The following KLC1 variants were observed in gnomAD, a reference collection of about 807,000 sequenced individuals.
KLC1 encodes kinesin light chain 1.
Under a neutral mutation model 84.2 loss-of-function variants are expected in KLC1, and 30 were observed. The ratio of observed to expected loss-of-function variants is 0.36; its 90% CI spans 0.27 to 0.48. The LOEUF is 0.48. Among genes scored for constraint, KLC1 ranks in the 20% least tolerant of loss-of-function variants. KLC1 has a pLI of 0.99. For missense variants in KLC1, 499 were observed against 805.4 expected, an observed-to-expected ratio of 0.62 and a Z score of 4.60; for synonymous variants, 289 against 293.3, an observed-to-expected ratio of 0.99 and a Z score of 0.15.
intron 16 of KLC1, 123 bp from the exon 17 acceptor site, chr14:103,701,078 C>A: frequency 1.6e-6 from 2 of 1,240,898 alleles, no homozygotes; most frequent in Non-Finnish European, 2.3e-6. Context: ...TCACAACCAG[C>A]AACACCCTCT....
chr14:103,640,453 CG>C (rs924615132), intron 1 of KLC1, among the ~76,000 whole-genome samples: 13 of 152,050 alleles, frequency 8.5e-5, no homozygotes, highest in Admixed American at 7.9e-4. Context: ...CGTCACCTCC[CG>C]GGTTCACGCC....
At chr14:103,682,749 A>C (rs940215123) in intron 13 of KLC1, 8 of 150,366 alleles carry the variant, frequency 5.3e-5, no homozygotes, top group African/African-American at 1.9e-4. Flanking sequence ...TGTGATTTCA[A>C]TTATATATAT....
rs2081683821 is a variant in KLC1 at position 103,685,189 on chromosome 14, C to T, written c.1651-1892C>T. On this transcript the variant is annotated intron_variant, in intron 13 of 16. Transcript: ENST00000334553. ...CTGCATGTTTAAAATGGGCTGTAGA[C>T]TTTTAAAGTCCGTGGTTTCCTAAAG... is the stretch of plus-strand genomic sequence containing the variant. 6 of 1,436,738 alleles carry T rather than the reference C, an allele frequency of 4.2e-6. No individual in the cohort carries two copies. In the South Asian group the frequency reaches 9.3e-5, roughly 22 times the overall value. 89.0% of individuals were successfully genotyped at this position (1,436,738 alleles called of 1,614,324 possible).
chr14:103,668,651 T>C (rs2080106001), intron 5 of KLC1, among the ~76,000 whole-genome samples: 2 of 151,890 alleles, frequency 1.3e-5, no homozygotes, highest in South Asian at 4.2e-4. Flanking sequence ...CTATTTTTTT[T>C]TGTATTTTTA....
intron 1 of KLC1, among the ~76,000 whole-genome samples, chr14:103,647,629 A>G (rs1440602829): frequency 1.3e-5 from 2 of 151,898 alleles, no homozygotes; most frequent in African/African-American, 4.8e-5. Flanking sequence ...TGTAATCCCA[A>G]CACTTTGGGA....
chr14:103,684,826 T>G (rs2081648894), intron 13 of KLC1: 1 of 634,852 alleles, frequency 1.6e-6, no homozygotes. Flanking sequence ...TACTGTAGTG[T>G]AGCGCTGAGT....
At chr14:103,699,273 A>T (rs1282513439) in intron 15 of KLC1, 1 of 1,540,180 alleles carries the variant, frequency 6.5e-7, no homozygotes, top group Non-Finnish European at 8.7e-7. Context: ...AGGCCACCTC[A>T]CTGCCACCCG....
At chr14:103,634,777 C>T (rs1207961321) in intron 1 of KLC1, among the ~76,000 whole-genome samples, 1 of 151,840 alleles carries the variant, frequency 6.6e-6, no homozygotes, top group African/African-American at 2.4e-5. Context: ...ACGGGGGTCT[C>T]ACTGTGTTTC....
At chr14:103,659,791 G>A (rs931581018) in intron 3 of KLC1, among the ~76,000 whole-genome samples, 1 of 152,008 alleles carries the variant, frequency 6.6e-6, no homozygotes, top group South Asian at 2.1e-4. Flanking sequence ...CAAATACCAC[G>A]GGCTGGATGG....
rs2080256934 is a variant in KLC1, at chr14:103,670,178, A to T, written c.886-4A>T. On this transcript the variant is annotated splice_polypyrimidine_tract_variant and splice_region_variant and intron_variant, in intron 6 of 16. Transcript: ENST00000334553. ...ATTCTTAGTGGTTCTCTCTGTGTTG[A>T]CAGGTGGCGGCGACTTTGAATAACC... 6.2e-7 allele frequency: 1 copy of T among 1,609,244 alleles called. No individual in the cohort carries two copies. The highest frequency in any genetic ancestry group is 8.5e-7 in the Non-Finnish European group (1 of 1,176,708).
At chr14:103,684,762 G>A (rs948024888) in intron 13 of KLC1, 40 of 546,208 alleles carry the variant, frequency 7.3e-5, no homozygotes, top group Non-Finnish European at 1.3e-4. Context: ...TTGAATCTGA[G>A]TGAAATGAAT....
At chr14:103,691,355 TCA>T (rs1175788192) in intron 14 of KLC1, among the ~76,000 whole-genome samples, 1 of 151,302 alleles carries the variant, frequency 6.6e-6, no homozygotes, top group Non-Finnish European at 1.5e-5. Flanking sequence ...AGACAGGGTT[TCA>T]CCACGTTGCC....
At chr14:103,630,118 T>TG (rs2076562633) in intron 1 of KLC1, among the ~76,000 whole-genome samples, 1 of 152,226 alleles carries the variant, frequency 6.6e-6, no homozygotes, top group African/African-American at 2.4e-5. Flanking sequence ...AGTAACCAGA[T>TG]GCGAAACGTT....
intron 15 of KLC1, chr14:103,696,175 G>C (rs1439543441): frequency 2.0e-6 from 2 of 981,456 alleles, no homozygotes; most frequent in African/African-American, 3.6e-5. Flanking sequence ...GTCTGGATCT[G>C]TGGGCGGACA....
chr14:103,650,450 T>C (rs909755316), intron 1 of KLC1, among the ~76,000 whole-genome samples: 1 of 152,212 alleles, frequency 6.6e-6, no homozygotes, highest in African/African-American at 2.4e-5. Flanking sequence ...GCATGAGAGT[T>C]GGAAGATGGT....
intron 15 of KLC1, chr14:103,696,266 G>A: frequency 1.0e-6 from 1 of 985,420 alleles, no homozygotes; most frequent in African/African-American, 1.7e-5. Context: ...CTTCCCTGAA[G>A]CAGCAGCAGT....
intron 1 of KLC1, among the ~76,000 whole-genome samples, chr14:103,651,975 T>G (rs142535538): frequency 5.1e-4 from 78 of 152,364 alleles, no homozygotes; most frequent in Non-Finnish European, 8.8e-4. Flanking sequence ...GTAGCTTGTC[T>G]TCTGCTAGCT....
At chr14:103,638,891 G>A (rs1444844546) in intron 1 of KLC1, among the ~76,000 whole-genome samples, 3 of 151,384 alleles carry the variant, frequency 2.0e-5, no homozygotes, top group African/African-American at 7.3e-5. Context: ...GTATGTGTGT[G>A]AGCACAAGGG....
In KLC1 at chr14:103,700,496, G is replaced by C. The variant is rs1050736050; in HGVS notation, c.1849-159G>C. 7 of 566,454 alleles carry C rather than the reference G, an allele frequency of 1.2e-5. No individual in the cohort carries two copies. In the African/African-American group the frequency reaches 1.4e-4, roughly 11 times the overall value. 35.1% of individuals were successfully genotyped at this position (566,454 alleles called of 1,614,324 possible). On this transcript the variant is annotated intron_variant, in intron 15 of 16. Transcript: ENST00000334553. The stretch of plus-strand genomic sequence containing the variant: ...GTGTAGTTCAGGCCCCACGGGCCTT[G>C]CCAGCAGCTCTGGCCAGATGGAGGC...
Sources: allele counts gnomAD v4.1 joint callset (sites outside exome capture counted in the v4.1 genomes callset), GRCh38; gene constraint gnomAD v4.1.1; transcripts MANE v1.5; gene names NCBI Gene and HGNC (gene_info 2026-07-23, HGNC 2026-07-21).